TENM2: variants seen among roughly 807,000 people sequenced by gnomAD.
TENM2 encodes the protein teneurin-2.
Under a neutral mutation model 245.2 loss-of-function variants are expected in TENM2, and 52 were observed. The observed-to-expected ratio is 0.21, with a 90% CI of 0.17 to 0.27. The LOEUF is 0.27. Ranked by LOEUF, TENM2 falls within the 10% of genes least tolerant of loss-of-function variation. The pLI is 1.00. For synonymous variants in TENM2, 1,363 were observed against 1,438.9 expected (o/e 0.95, Z 1.19); for missense variants, 3,046 against 3,666.8 (o/e 0.83, Z 4.37).
At chr5:167,892,381 T>A (rs1356236540) in intron 3 of TENM2, among the ~76,000 whole-genome samples, 1 of 152,182 alleles carries the variant, frequency 6.6e-6, no homozygotes, top group East Asian at 1.9e-4. Flanking sequence ...CTAAGAAACA[T>A]TCCCATGTTA....
At chr5:167,307,499 C>T (rs1400128600) in intron 1 of TENM2, among the ~76,000 whole-genome samples, 1 of 152,092 alleles carries the variant, frequency 6.6e-6, no homozygotes, top group Admixed American at 6.5e-5. Flanking sequence ...CCACGACCAC[C>T]GAATATCAGA....
chr5:167,173,814 A>G, the TENM2 span, among the ~76,000 whole-genome samples: 1 of 152,040 alleles, frequency 6.6e-6, no homozygotes, highest in Admixed American at 6.6e-5. Context: ...ATATGTAAAA[A>G]AATATAGAAG....
At chr5:167,801,109 A>AAAAAAT (rs1444227809) in intron 2 of TENM2, among the ~76,000 whole-genome samples, 24 of 66,558 alleles carry the variant, frequency 3.6e-4, no homozygotes, top group Non-Finnish European at 5.6e-4. Context: ...AAAAAAAAAA[A>AAAAAAT]ATATATATAT....
chr5:167,140,353 C>T, the TENM2 span, among the ~76,000 whole-genome samples: 2 of 152,178 alleles, frequency 1.3e-5, no homozygotes, highest in Non-Finnish European at 2.9e-5. Flanking sequence ...TGACTATAAT[C>T]ACCCTATTGT....
At chr5:167,916,658 C>T (rs1776966223) in intron 3 of TENM2, among the ~76,000 whole-genome samples, 1 of 152,120 alleles carries the variant, frequency 6.6e-6, no homozygotes, top group South Asian at 2.1e-4. Context: ...GTAGAGTTCA[C>T]CTTGAAAGGC....
the TENM2 span, among the ~76,000 whole-genome samples, chr5:167,271,780 C>A: frequency 6.6e-6 from 1 of 152,154 alleles, no homozygotes; most frequent in Non-Finnish European, 1.5e-5. Flanking sequence ...GAGCAAAACA[C>A]AATTGTGAAT....
At chr5:167,925,661 T>A (rs1206467624) in intron 3 of TENM2, among the ~76,000 whole-genome samples, 2 of 152,204 alleles carry the variant, frequency 1.3e-5, no homozygotes, top group Non-Finnish European at 2.9e-5. Flanking sequence ...ACATAAATGT[T>A]CATCGCAGCA....
At chr5:167,457,549 G>A (rs1048850456) in intron 2 of TENM2, among the ~76,000 whole-genome samples, 1 of 151,988 alleles carries the variant, frequency 6.6e-6, no homozygotes, top group Non-Finnish European at 1.5e-5. Flanking sequence ...GTTTCTCCAT[G>A]TTGGTCAGGC....
At chr5:167,515,680 T>TATATACG (rs1283561249) in intron 2 of TENM2, among the ~76,000 whole-genome samples, 17 of 55,716 alleles carry the variant, frequency 3.1e-4, no homozygotes, top group Admixed American at 4.9e-4. Context: ...TGTATATATA[T>TATATACG]TTTGAGAGGG....
chr5:167,188,752 G>C, the TENM2 span, among the ~76,000 whole-genome samples: 3 of 152,278 alleles, frequency 2.0e-5, no homozygotes, highest in East Asian at 3.9e-4. Context: ...GATACTCACT[G>C]CGAACATTGT....
intron 2 of TENM2, among the ~76,000 whole-genome samples, chr5:167,865,623 C>T (rs1291306073): frequency 6.6e-6 from 1 of 151,966 alleles, no homozygotes; most frequent in African/African-American, 2.4e-5. Flanking sequence ...GAAAATTAAC[C>T]AAAAAAATGT....
intron 4 of TENM2, among the ~76,000 whole-genome samples, chr5:167,970,522 A>G (rs1781699184): frequency 6.6e-6 from 1 of 152,124 alleles, no homozygotes; most frequent in East Asian, 1.9e-4. Context: ...TGCCTTATCA[A>G]GTTGAATGAC....
At chr5:168,050,073 G>T (rs1021829767) in intron 6 of TENM2, among the ~76,000 whole-genome samples, 5 of 152,160 alleles carry the variant, frequency 3.3e-5, no homozygotes, top group Non-Finnish European at 5.9e-5. Flanking sequence ...AAAGTGCTGG[G>T]ATTACAGGCA....
intron 2 of TENM2, among the ~76,000 whole-genome samples, chr5:167,453,103 G>T (rs1316612922): frequency 1.3e-5 from 2 of 151,154 alleles, no homozygotes; most frequent in Non-Finnish European, 3.0e-5. Context: ...AAGAAAAGTG[G>T]GGTGAGAAAT....
chr5:168,257,000 C>A (rs186827239), intron 27 of TENM2, among the ~76,000 whole-genome samples: 1 of 152,280 alleles, frequency 6.6e-6, no homozygotes, highest in East Asian at 1.9e-4. Context: ...GTAGCTCTTG[C>A]CACATATGTC....
chr5:168,017,626 A>G (rs1785774138), intron 5 of TENM2, among the ~76,000 whole-genome samples: 2 of 152,210 alleles, frequency 1.3e-5, no homozygotes, highest in Non-Finnish European at 2.9e-5. Context: ...AAGTATTACA[A>G]GGAAAGCAGG....
chr5:168,167,014 T>C (rs1399337109), intron 13 of TENM2, among the ~76,000 whole-genome samples: 2 of 152,014 alleles, frequency 1.3e-5, no homozygotes, highest in Non-Finnish European at 2.9e-5. Flanking sequence ...CCATGGCCAC[T>C]AAAAAGAAGT....
intron 2 of TENM2, among the ~76,000 whole-genome samples, chr5:167,422,748 A>G (rs923302388): frequency 6.6e-6 from 1 of 152,130 alleles, no homozygotes; most frequent in African/African-American, 2.4e-5. Context: ...ATGAATCCCA[A>G]TGCCTCCACG....
At chr5:167,883,547 C>T (rs773683659) in intron 3 of TENM2, among the ~76,000 whole-genome samples, 14 of 152,204 alleles carry the variant, frequency 9.2e-5, no homozygotes, top group Admixed American at 3.9e-4. Flanking sequence ...AAGTGACAGA[C>T]GGCAGAGAAC....
Sources: gnomAD v4.1 joint callset for allele counts (sites outside exome capture counted in the v4.1 genomes callset) on GRCh38, gnomAD v4.1.1 for gene constraint, MANE v1.5 for transcripts, NCBI Gene and HGNC (gene_info 2026-07-23, HGNC 2026-07-21) for gene names.